Variants in SMCO4 observed in about 807,000 individuals in gnomAD.
SMCO4 encodes single-pass membrane protein with coiled-coil domains 4.
SMCO4 carries 4 observed loss-of-function variants against 3.6 expected under a neutral mutation model. That is an observed-to-expected ratio of 1.11 (90% CI 0.54 to 2.53). The LOEUF (loss-of-function observed/expected upper bound fraction) is 2.53. SMCO4 is among the 30% of genes most tolerant of loss of function. The pLI, the probability that SMCO4 is intolerant of heterozygous loss-of-function variation, is 0.02. For missense variants in SMCO4, 70 were observed against 80.8 expected (o/e 0.87, Z 0.51); for synonymous variants, 36 against 35.3 (o/e 1.02, Z -0.07).
At chr11:93,503,187 A>G (rs918392506) in intron 1 of SMCO4, among the ~76,000 whole-genome samples, 3 of 152,162 alleles carry the variant, frequency 2.0e-5, no homozygotes, top group South Asian at 4.1e-4. Flanking sequence ...ATTTATAAAG[A>G]AAAAGAGGTT....
chr11:93,539,411 T>C (rs1949254207), intron 1 of SMCO4, among the ~76,000 whole-genome samples: 2 of 152,190 alleles, frequency 1.3e-5, no homozygotes, highest in South Asian at 4.1e-4. Context: ...AGGAAAACAG[T>C]ACATTTAGGA....
At chr11:93,517,652 T>C (rs147198422) in intron 1 of SMCO4, among the ~76,000 whole-genome samples, 1,951 of 152,276 alleles carry the variant, frequency 0.013, 11 homozygotes, top group Non-Finnish European at 0.021. Flanking sequence ...ACTTACAGTG[T>C]ACCAAGCATT....
At position 93,494,212 on chromosome 11, in the gene SMCO4, C is replaced by G. The variant is rs186837422; in HGVS notation, c.-81+5064G>C. Among the ~76,000 whole-genome samples, 10 of 152,248 alleles carry G rather than the reference C, an allele frequency of 6.6e-5. No individual in the cohort carries two copies. In the East Asian group the frequency reaches 1.9e-3, roughly 29 times the overall value. On this transcript the variant is annotated intron_variant, in intron 2 of 2. Transcript: ENST00000298966. ...TAACACTGAAGAATCACCAGAGAAG[C>G]AAATGTGGGAGACAGAGACATCTTT... is the stretch of plus-strand genomic sequence containing the variant.
upstream of SMCO4, among the ~76,000 whole-genome samples, chr11:93,547,582 C>T (rs557939970): frequency 2.8e-4 from 42 of 152,256 alleles, 1 homozygote; most frequent in Admixed American, 2.4e-3. Context: ...AAAGGGACTG[C>T]GTTTGCTTGC....
chr11:93,478,713 GCACACACACA>G lies in SMCO4; in HGVS notation c.*287_*296del, dbSNP rs58177836. 0.13 allele frequency: 28,335 copies of G among 225,594 alleles called. 1,852 individuals carry two copies. The highest frequency in any genetic ancestry group is 0.35 in the East Asian group (3,001 of 8,648). The allele number at this position is 225,594 out of a possible 1,614,324, so 14.0% of individuals were successfully genotyped here. A position where few individuals can be genotyped will look rare whatever the true frequency, so the allele number is the denominator to read the frequency against. ...ATCGATTTTTAGGAGAGAAAAAGAA[GCACACACACA>G]CACACACACACACACACACACACAC... On this transcript the variant is annotated 3_prime_UTR_variant, in exon 3 of 3. Coordinates refer to ENST00000298966, the MANE Select transcript of SMCO4 (RefSeq NM_020179.3).
the SMCO4 span, among the ~76,000 whole-genome samples, chr11:93,552,426 C>T: frequency 6.8e-6 from 1 of 147,812 alleles, no homozygotes; most frequent in African/African-American, 2.5e-5. Context: ...AGGCGTAGGC[C>T]ACCGTGCCCA....
At chr11:93,527,101 A>G (rs1476165536) in intron 1 of SMCO4, among the ~76,000 whole-genome samples, 4 of 152,084 alleles carry the variant, frequency 2.6e-5, no homozygotes, top group African/African-American at 7.2e-5. Context: ...TCAGCCACAC[A>G]CCCTAAATCG....
the SMCO4 span, among the ~76,000 whole-genome samples, chr11:93,553,902 T>C: frequency 3.9e-5 from 6 of 152,228 alleles, no homozygotes; most frequent in Admixed American, 2.0e-4. Context: ...TATCTGGTAG[T>C]TCCTCTCCTT....
At chr11:93,541,215 T>C (rs1442575188) in intron 1 of SMCO4, among the ~76,000 whole-genome samples, 2 of 152,202 alleles carry the variant, frequency 1.3e-5, no homozygotes, top group Admixed American at 6.5e-5. Context: ...GGCCAGCTTA[T>C]GACCAGGAAG....
the SMCO4 span, among the ~76,000 whole-genome samples, chr11:93,553,484 C>T: frequency 6.6e-6 from 1 of 152,142 alleles, no homozygotes; most frequent in Admixed American, 6.5e-5. Flanking sequence ...TGGTAACAAA[C>T]CACAGTATTA....
At chr11:93,542,422 T>G (rs1027999909) in intron 1 of SMCO4, among the ~76,000 whole-genome samples, 2 of 152,154 alleles carry the variant, frequency 1.3e-5, no homozygotes, top group Non-Finnish European at 2.9e-5. Context: ...CGGAGATAGT[T>G]ATGATATCAT....
At chr11:93,506,612 G>GT (rs200675724) in intron 1 of SMCO4, among the ~76,000 whole-genome samples, 10,621 of 151,392 alleles carry the variant, frequency 0.07, 503 homozygotes, top group Non-Finnish European at 0.11. Flanking sequence ...CTAATTTTTT[G>GT]TTTTTTTTGT....
intron 1 of SMCO4, among the ~76,000 whole-genome samples, chr11:93,517,834 T>C (rs1436178543): frequency 6.6e-6 from 1 of 152,046 alleles, no homozygotes; most frequent in East Asian, 1.9e-4. Context: ...CCACACTCCT[T>C]CTCCTACCCG....
intron 2 of SMCO4, among the ~76,000 whole-genome samples, chr11:93,487,385 T>C (rs142421546): frequency 7.9e-5 from 12 of 152,278 alleles, no homozygotes; most frequent in African/African-American, 2.9e-4. Context: ...ACTAGCTCCC[T>C]GCTGCCGACA....
intron 1 of SMCO4, among the ~76,000 whole-genome samples, chr11:93,537,606 C>G (rs1428570372): frequency 6.6e-6 from 1 of 151,922 alleles, no homozygotes; most frequent in African/African-American, 2.4e-5. Flanking sequence ...AAGGGCTTTG[C>G]TCAGGACATA....
At chr11:93,500,519 C>T (rs1312797188) in intron 1 of SMCO4, among the ~76,000 whole-genome samples, 1 of 152,070 alleles carries the variant, frequency 6.6e-6, no homozygotes, top group Non-Finnish European at 1.5e-5. Flanking sequence ...GCCTCTTCTA[C>T]TAGGGAGCAC....
At chr11:93,511,305 CCTGA>C (rs1459932569) in intron 1 of SMCO4, among the ~76,000 whole-genome samples, 2 of 152,168 alleles carry the variant, frequency 1.3e-5, no homozygotes, top group South Asian at 2.1e-4. Flanking sequence ...TTAGGTTTTC[CCTGA>C]CTGTCATGCC....
At chr11:93,549,972 C>T in the SMCO4 span, among the ~76,000 whole-genome samples, 1 of 152,162 alleles carries the variant, frequency 6.6e-6, no homozygotes. Flanking sequence ...TTTCATAAAG[C>T]TGTGAAATCC....
intron 1 of SMCO4, among the ~76,000 whole-genome samples, chr11:93,539,788 T>G (rs1216005575): frequency 6.6e-6 from 1 of 152,108 alleles, no homozygotes; most frequent in Non-Finnish European, 1.5e-5. Context: ...TGGTCCCATA[T>G]TAAGCCAAAT....
Sources: allele counts gnomAD v4.1 joint callset (sites outside exome capture counted in the v4.1 genomes callset), GRCh38; gene constraint gnomAD v4.1.1; transcripts MANE v1.5; gene names NCBI Gene and HGNC (gene_info 2026-07-23, HGNC 2026-07-21).